NRG1: variants seen among roughly 807,000 people sequenced by gnomAD.
NRG1 encodes the protein neuregulin 1.
A neutral mutation model predicts 63.8 loss-of-function variants in NRG1; 18 were observed. That is an observed-to-expected ratio of 0.28 (90% CI 0.19 to 0.42). The LOEUF (loss-of-function observed/expected upper bound fraction) is 0.42. Ranked by LOEUF, NRG1 falls within the 10% of genes least tolerant of loss-of-function variation. NRG1 has a pLI of 1.00. For synonymous variants in NRG1, 302 were observed against 301.3 expected (o/e 1.00, Z -0.02); for missense variants, 762 against 814.7 (o/e 0.94, Z 0.79).
chr8:31,694,779 T>C (rs193290092), intron 1 of NRG1, among the ~76,000 whole-genome samples: 256 of 152,340 alleles, frequency 1.7e-3, no homozygotes, highest in African/African-American at 6.0e-3. Context: ...CATCTTGCTG[T>C]TCTTAAAGCA....
At chr8:31,765,325 G>A (rs903267146) in intron 1 of NRG1, among the ~76,000 whole-genome samples, 19 of 151,906 alleles carry the variant, frequency 1.3e-4, no homozygotes, top group African/African-American at 3.1e-4. Context: ...CATTTATTTC[G>A]TTTTCTTGTC....
intron 1 of NRG1, among the ~76,000 whole-genome samples, chr8:32,186,500 AAAAG>A (rs1009039481): frequency 5.3e-5 from 8 of 152,016 alleles, no homozygotes; most frequent in East Asian, 1.9e-4. Flanking sequence ...AAAAGAAAAA[AAAAG>A]AAAGAAAGAA....
At chr8:32,707,276 C>A (rs975171241) in intron 5 of NRG1, among the ~76,000 whole-genome samples, 4 of 152,032 alleles carry the variant, frequency 2.6e-5, no homozygotes, top group South Asian at 4.2e-4. Context: ...GTAGTTGTAA[C>A]AATATATGAC....
intron 1 of NRG1, among the ~76,000 whole-genome samples, chr8:31,917,864 T>C (rs1264916252): frequency 6.6e-6 from 1 of 152,212 alleles, no homozygotes; most frequent in Non-Finnish European, 1.5e-5. Context: ...CATTTGTTTG[T>C]AACCTCTTTA....
chr8:32,238,543 A>G (rs778789737), intron 1 of NRG1, among the ~76,000 whole-genome samples: 1 of 151,958 alleles, frequency 6.6e-6, no homozygotes, highest in Non-Finnish European at 1.5e-5. Context: ...TATTAAGACT[A>G]CTGAGGCTCA....
intron 5 of NRG1, among the ~76,000 whole-genome samples, chr8:32,677,558 T>G (rs1376093652): frequency 6.6e-6 from 1 of 151,982 alleles, no homozygotes; most frequent in Non-Finnish European, 1.5e-5. Flanking sequence ...CTTGGGAGGC[T>G]GAGATAGGAG....
intron 1 of NRG1, among the ~76,000 whole-genome samples, chr8:32,507,245 A>C (rs1828646910): frequency 6.6e-6 from 1 of 152,186 alleles, no homozygotes; most frequent in Non-Finnish European, 1.5e-5. Flanking sequence ...GGTTAAGGGG[A>C]GGCAGAGGGT....
rs905621199 is a variant in NRG1, at chr8:32,663,552, G to A, written c.502+46667G>A. On this transcript the variant is annotated intron_variant, in intron 5 of 11. Transcript: ENST00000356819. ...TTTATGATGAAAATACACAGCAAAA[G>A]TAGTGTAAATGCTTATTTTACTTCT... 3.9e-5 allele frequency among the ~76,000 whole-genome samples: 6 copies of A among 152,266 alleles called. No individual in the cohort carries two copies. In the East Asian group the frequency reaches 1.2e-3, roughly 29 times the overall value.
chr8:31,662,560 A>AT (rs1328137200), intron 1 of NRG1, among the ~76,000 whole-genome samples: 58 of 152,256 alleles, frequency 3.8e-4, no homozygotes, highest in Non-Finnish European at 6.8e-4. Context: ...TGGTCTGCAA[A>AT]TGTCTGAGTA....
intron 1 of NRG1, among the ~76,000 whole-genome samples, chr8:32,235,059 A>G (rs1847392214): frequency 6.6e-6 from 1 of 152,000 alleles, no homozygotes; most frequent in Admixed American, 6.6e-5. Flanking sequence ...AAAGTCAGAC[A>G]AAGAAGGATG....
chr8:31,872,497 A>G (rs375653383), intron 1 of NRG1, among the ~76,000 whole-genome samples: 10 of 152,306 alleles, frequency 6.6e-5, no homozygotes, highest in African/African-American at 2.4e-4. Flanking sequence ...TTAGTTTTCA[A>G]CATTGCCCAG....
intron 5 of NRG1, among the ~76,000 whole-genome samples, chr8:32,700,031 G>A (rs1281994851): frequency 6.6e-6 from 1 of 151,922 alleles, no homozygotes; most frequent in Non-Finnish European, 1.5e-5. Flanking sequence ...TCTAACTCCA[G>A]GATATTTTCC....
chr8:32,091,042 G>A (rs2131266041), intron 1 of NRG1, among the ~76,000 whole-genome samples: 1 of 152,312 alleles, frequency 6.6e-6, no homozygotes, highest in South Asian at 2.1e-4. Context: ...AACTCTGGGA[G>A]GCCGAGGTGG....
At chr8:32,486,380 A>C (rs1392003966) in intron 1 of NRG1, among the ~76,000 whole-genome samples, 1 of 152,188 alleles carries the variant, frequency 6.6e-6, no homozygotes, top group African/African-American at 2.4e-5. Flanking sequence ...GCTGCCCTTT[A>C]AGAATCCATA....
At chr8:31,712,948 A>G (rs73239840) in intron 1 of NRG1, among the ~76,000 whole-genome samples, 24,791 of 151,344 alleles carry the variant, frequency 0.16, 2,244 homozygotes, top group Admixed American at 0.22. Flanking sequence ...CAATCAATCA[A>G]TCAATCAATC....
At chr8:31,690,472 A>G (rs1809381055) in intron 1 of NRG1, among the ~76,000 whole-genome samples, 1 of 152,220 alleles carries the variant, frequency 6.6e-6, no homozygotes, top group Non-Finnish European at 1.5e-5. Context: ...TCCTTAAGGC[A>G]GGAAAATTCC....
chr8:32,712,735 G>A (rs1331346999), intron 5 of NRG1, among the ~76,000 whole-genome samples: 1 of 152,056 alleles, frequency 6.6e-6, no homozygotes, highest in Non-Finnish European at 1.5e-5. Context: ...GGTAGTTATG[G>A]TTAAGATTTT....
At position 32,549,126 on chromosome 8, in the gene NRG1, T is replaced by C. The variant is rs531068898; in HGVS notation, c.100+300T>C. 2.6e-5 allele frequency among the ~76,000 whole-genome samples: 4 copies of C among 152,292 alleles called. No homozygotes were observed. In the South Asian group the frequency reaches 8.3e-4, roughly 32 times the overall value. ...CTGGCACGGCCCCTCCCCAGCGCCT[T>C]AGCGGCTGAGCCCAGCCCGGGAGTG... On this transcript the variant is annotated intron_variant, in intron 1 of 11. Coordinates refer to ENST00000356819, the Ensembl canonical transcript of NRG1.
intron 1 of NRG1, among the ~76,000 whole-genome samples, chr8:32,498,270 AC>A (rs1827453749): frequency 1.3e-5 from 2 of 152,166 alleles, no homozygotes; most frequent in Non-Finnish European, 2.9e-5. Flanking sequence ...TGGAGAAGTG[AC>A]TAGAAAATGT....
Sources: allele counts gnomAD v4.1 joint callset (sites outside exome capture counted in the v4.1 genomes callset), GRCh38; gene constraint gnomAD v4.1.1; transcripts MANE v1.5; gene names NCBI Gene and HGNC (gene_info 2026-07-23, HGNC 2026-07-21).